The following ARHGEF3 variants were observed in gnomAD, a reference collection of about 807,000 sequenced individuals.
ARHGEF3 encodes Rho guanine nucleotide exchange factor 3.
Under a neutral mutation model 63.2 loss-of-function variants are expected in ARHGEF3, and 28 were observed. That is an observed-to-expected ratio of 0.44 (90% CI 0.33 to 0.61). The LOEUF (loss-of-function observed/expected upper bound fraction) is 0.61. Among genes scored for constraint, ARHGEF3 ranks in the 20% least tolerant of loss-of-function variants. ARHGEF3 has a pLI of 0.03. For synonymous variants in ARHGEF3, 266 were observed against 254.2 expected (o/e 1.05, Z -0.44); for missense variants, 533 against 659.3 (o/e 0.81, Z 2.10).
rs148866535 is a variant in ARHGEF3 at position 57,013,633 on chromosome 3, C to T, written c.62+21455G>A. 8.0e-3 allele frequency among the ~76,000 whole-genome samples: 1,219 copies of T among 152,250 alleles called. 12 individuals are homozygous for T. The highest frequency in any genetic ancestry group is 0.026 in the African/African-American group (1,098 of 41,544). On this transcript the variant is annotated intron_variant, in intron 2 of 12. Coordinates refer to the ARHGEF3 transcript ENST00000338458. ...GGAGGATTGTAAATGCACCAATCAG[C>T]ACCCTGTGTCTAGCTCAAGGTTTGT...
chr3:56,866,417 G>C (rs909223495), intron 4 of ARHGEF3, among the ~76,000 whole-genome samples: 1 of 152,196 alleles, frequency 6.6e-6, no homozygotes, highest in African/African-American at 2.4e-5. Context: ...CCTGCGTCAT[G>C]TTCCTAGGGG....
intron 4 of ARHGEF3, among the ~76,000 whole-genome samples, chr3:56,829,619 G>A (rs1559974824): frequency 1.3e-5 from 2 of 152,176 alleles, no homozygotes; most frequent in African/African-American, 4.8e-5. Context: ...AGAGCTATCT[G>A]AAGCAAGCAC....
chr3:56,781,324 C>T (rs796531251), intron 1 of ARHGEF3, among the ~76,000 whole-genome samples: 37 of 151,880 alleles, frequency 2.4e-4, no homozygotes, highest in African/African-American at 8.5e-4. Context: ...CTCAGCTCAC[C>T]GCAACCTCCA....
At chr3:57,029,606 G>A (rs72872199) in intron 2 of ARHGEF3, among the ~76,000 whole-genome samples, 313 of 152,232 alleles carry the variant, frequency 2.1e-3, no homozygotes, top group African/African-American at 7.3e-3. Flanking sequence ...AGGCTCTGAT[G>A]AGGTCTGCAA....
At chr3:57,014,730 G>C (rs1702908917) in intron 2 of ARHGEF3, among the ~76,000 whole-genome samples, 1 of 151,452 alleles carries the variant, frequency 6.6e-6, no homozygotes, top group Admixed American at 6.6e-5. Context: ...ACCCAGGCTG[G>C]AGTGCAGTGG....
chr3:56,838,229 T>TG (rs1003053640), intron 4 of ARHGEF3, among the ~76,000 whole-genome samples: 6 of 152,148 alleles, frequency 3.9e-5, no homozygotes, highest in South Asian at 4.1e-4. Context: ...AAAAATACTG[T>TG]GGGGGGGAAT....
Position 57,002,513 on chromosome 3 carries a change from T to TATATATATAG in ARHGEF3, c.62+32574_62+32575insCTATATATAT, listed in dbSNP as rs1560123137. Among the ~76,000 whole-genome samples, 21 of 81,944 alleles carry TATATATATAG rather than the reference T, an allele frequency of 2.6e-4. 2 individuals are homozygous for TATATATATAG. The highest frequency in any genetic ancestry group is 7.9e-4 in the African/African-American group (20 of 25,248). The allele number at this position is 81,944 out of a possible 152,430, so 53.8% of individuals were successfully genotyped here. ...TATATATATGTTATATATATATATATGTTATATATGTATGTTATATATGTA... is the reference window on the plus strand; with the variant it reads ...TATATATATGTTATATATATATATATATATATATAGGTTATATATGTATGTTATATATGTA... On this transcript the variant is annotated intron_variant, in intron 2 of 12. Coordinates refer to the ARHGEF3 transcript ENST00000338458.
chr3:57,078,078 C>T (rs1275887812), intron 1 of ARHGEF3, among the ~76,000 whole-genome samples: 3 of 152,114 alleles, frequency 2.0e-5, no homozygotes, highest in Non-Finnish European at 4.4e-5. Flanking sequence ...TTACCCTGCC[C>T]CAGTCAGTAT....
At chr3:56,853,614 T>C (rs1005545035) in intron 4 of ARHGEF3, among the ~76,000 whole-genome samples, 5 of 152,208 alleles carry the variant, frequency 3.3e-5, no homozygotes, top group African/African-American at 1.2e-4. Context: ...GGATTACAAG[T>C]GTGAGTCACC....
At chr3:56,923,067 T>TATATATATAA (rs1255069943) in intron 3 of ARHGEF3, among the ~76,000 whole-genome samples, 1 of 34,680 alleles carries the variant, frequency 2.9e-5, no homozygotes, top group Non-Finnish European at 6.5e-5. Flanking sequence ...TATATATATA[T>TATATATATAA]ATATATATAA....
At chr3:56,850,698 T>C (rs1386869648) in intron 4 of ARHGEF3, among the ~76,000 whole-genome samples, 1 of 152,218 alleles carries the variant, frequency 6.6e-6, no homozygotes, top group African/African-American at 2.4e-5. Context: ...TTTATATACC[T>C]GCCTGGCACT....
At chr3:57,060,905 A>G (rs560163263) in intron 1 of ARHGEF3, 20 of 149,388 alleles carry the variant, frequency 1.3e-4, no homozygotes, top group African/African-American at 4.9e-4. Context: ...ACATTTTGAC[A>G]TAAGTTCAAT....
intron 1 of ARHGEF3, among the ~76,000 whole-genome samples, chr3:57,051,281 A>T (rs1486374234): frequency 6.6e-6 from 1 of 152,204 alleles, no homozygotes; most frequent in African/African-American, 2.4e-5. Context: ...TGAGGTCAGG[A>T]GTTCGAGACC....
intron 4 of ARHGEF3, among the ~76,000 whole-genome samples, chr3:56,837,631 C>A (rs2039159231): frequency 1.3e-5 from 2 of 152,184 alleles, no homozygotes; most frequent in Admixed American, 6.6e-5. Context: ...GGAAGCTTGC[C>A]TCCTTGTAAA....
At chr3:56,759,657 G>C (rs2035308815) in intron 2 of ARHGEF3, among the ~76,000 whole-genome samples, 1 of 152,114 alleles carries the variant, frequency 6.6e-6, no homozygotes, top group Non-Finnish European at 1.5e-5. Context: ...TCAATCTCTT[G>C]AGTAGCTGAG....
chr3:56,987,841 T>G (rs146606477), intron 2 of ARHGEF3, among the ~76,000 whole-genome samples: 27 of 152,344 alleles, frequency 1.8e-4, no homozygotes, highest in Non-Finnish European at 2.8e-4. Context: ...CTCTTCCTTT[T>G]CAATTTTCAA....
chr3:56,769,577 C>T (rs1434916252), intron 2 of ARHGEF3, among the ~76,000 whole-genome samples: 1 of 152,224 alleles, frequency 6.6e-6, no homozygotes, highest in Non-Finnish European at 1.5e-5. Context: ...CAGTGTCTTG[C>T]TGAACTGTGG....
At chr3:56,732,888 C>T (rs2033276664) in intron 8 of ARHGEF3, among the ~76,000 whole-genome samples, 1 of 152,164 alleles carries the variant, frequency 6.6e-6, no homozygotes, top group Non-Finnish European at 1.5e-5. Flanking sequence ...TGGCTCACAC[C>T]TGTAATTCTA....
chr3:57,011,275 A>G (rs763695060), intron 2 of ARHGEF3, among the ~76,000 whole-genome samples: 2 of 152,204 alleles, frequency 1.3e-5, no homozygotes, highest in Non-Finnish European at 2.9e-5. Flanking sequence ...CACATGATCT[A>G]AAACAACGAT....
Sources: gnomAD v4.1 joint callset for allele counts (sites outside exome capture counted in the v4.1 genomes callset) on GRCh38, gnomAD v4.1.1 for gene constraint, MANE v1.5 for transcripts, NCBI Gene and HGNC (gene_info 2026-07-23, HGNC 2026-07-21) for gene names.